TEX13B: variants seen among roughly 807,000 people sequenced by gnomAD.
The protein encoded by TEX13B is testis expressed 13B.
TEX13B carries 5 observed loss-of-function variants against 11.2 expected under a neutral mutation model. That is an observed-to-expected ratio of 0.44 (90% CI 0.23 to 0.93). TEX13B has a LOEUF of 0.93. Among genes scored for constraint, TEX13B ranks in the 40% least tolerant of loss-of-function variants. The pLI is 0.23. For missense variants in TEX13B, 213 were observed against 244.2 expected, an observed-to-expected ratio of 0.87 and a Z score of 0.85; for synonymous variants, 115 against 100.9, an observed-to-expected ratio of 1.14 and a Z score of -0.84.
Position 107,982,192 on chromosome X carries a change from C to T in TEX13B, c.-32-33G>A, listed in dbSNP as rs1933774653. On this transcript the variant is annotated intron_variant, in intron 1 of 2. Transcript: ENST00000302917. Reference sequence around the variant, plus strand: ...GATGGAGCAGCCAATAGGTTTCTTTCCTCCTCCTTAGCCCCTCCCCTCATC... The same window carrying T: ...GATGGAGCAGCCAATAGGTTTCTTTTCTCCTCCTTAGCCCCTCCCCTCATC... 1.2e-5 allele frequency: 13 copies of T among 1,052,145 alleles called. No homozygotes were observed. In the South Asian group the frequency reaches 2.5e-4, roughly 20 times the overall value. 86.7% of individuals were successfully genotyped at this position (1,052,145 alleles called of 1,213,427 possible). A position where few individuals can be genotyped will look rare whatever the true frequency, so the allele number is the denominator to read the frequency against.
At chrX:107,982,269 C>A in intron 1 of TEX13B, 41 bp downstream of exon 1, 3 of 602,476 alleles carry the variant, frequency 5.0e-6, no homozygotes, top group Middle Eastern at 5.5e-4. Flanking sequence ...GACCCTCTGA[C>A]CGGCTTGTCC....
rs1933766202 is a variant in TEX13B, at chrX:107,981,696, G to C, written c.432C>G (p.Asp144Glu). ...TSLAEVQRER[D>E]MLRWKLFHAE... is the part of the protein sequence containing the mutation. ...CATGGAAGAGCTTCCATCTCAGCAT[G>C]TCCCGCTCTCTCTGCACCTCCGCAA... The change falls in exon 2 of 3, where the codon GAC becomes GAG. Residue 144 changes from aspartate (D) to glutamate (E), a missense_variant. Transcript: ENST00000302917. 8.3e-7 allele frequency: 1 copy of C among 1,201,647 alleles called. No homozygotes were observed. Among genetic ancestry groups the C allele is most frequent in the South Asian group, 1.8e-5 (1 of 55,381 alleles).
rs759030439 is a variant in TEX13B at position 107,981,666 on chromosome X, T to G, written c.459+3A>C. 8.4e-7 allele frequency: 1 copy of G among 1,193,857 alleles called. No homozygotes were observed. The highest frequency in any genetic ancestry group is 1.7e-5 in the African/African-American group (1 of 57,325). On this transcript the variant is annotated splice_donor_region_variant and intron_variant, in intron 2 of 2. Coordinates refer to ENST00000302917, the MANE Select transcript of TEX13B (RefSeq NM_031273.2). ...TGGACAGGGACCATTCGGGGGATCT[T>G]ACGGCATGGAAGAGCTTCCATCTCA...
rs1374565909 is a variant in TEX13B, at chrX:107,981,490, A to T, written c.529T>A (p.Trp177Arg). 2.7e-5 allele frequency: 33 copies of T among 1,209,760 alleles called. No homozygotes were observed. The highest frequency in any genetic ancestry group is 2.3e-4 in the Middle Eastern group (1 of 4,374). The change falls in exon 3 of 3, where the codon TGG becomes AGG. Residue 177 changes from tryptophan to arginine, a missense_variant. By Grantham distance (101) the Trp-to-Arg change is moderately radical. Transcript: ENST00000302917. ...FPGLATAGGD[W>R]TEGAGEQEKE... ...TCCTGCTCACCTGCTCCTTCTGTCC[A>T]ATCCCCTCCGGCAGTGGCCAGGCCT...
In TEX13B at chrX:107,980,978, A is replaced by T. The variant is rs756881689; in HGVS notation, c.*102T>A. ...GTCCCAGTTCCCTGGCCTGCGATATACTGGAGGTCTTCTCTGCTGATGGAG... is the reference window on the plus strand; with the variant it reads ...GTCCCAGTTCCCTGGCCTGCGATATTCTGGAGGTCTTCTCTGCTGATGGAG... On this transcript the variant is annotated 3_prime_UTR_variant, in exon 3 of 3. Transcript: ENST00000302917. 70 of 1,117,922 alleles carry T rather than the reference A, an allele frequency of 6.3e-5. No individual in the cohort carries two copies. Among genetic ancestry groups the T allele is most frequent in the Non-Finnish European group, 8.3e-5 (68 of 815,215 alleles). 92.1% of individuals were successfully genotyped at this position (1,117,922 alleles called of 1,213,427 possible).
chrX:107,980,911 AT>A lies in TEX13B; in HGVS notation c.*168del. 3 of 721,724 alleles carry A rather than the reference AT, an allele frequency of 4.2e-6. No homozygotes were observed. Among genetic ancestry groups the A allele is most frequent in the Non-Finnish European group, 6.4e-6 (3 of 469,673 alleles). The allele number at this position is 721,724 out of a possible 1,213,427, so 59.5% of individuals were successfully genotyped here. On this transcript the variant is annotated 3_prime_UTR_variant, in exon 3 of 3. Coordinates refer to ENST00000302917, the MANE Select transcript of TEX13B (RefSeq NM_031273.2). Reference sequence around the variant, plus strand: ...AGATTCGCCTCCCACAGAGGAAGCAATTTTCCCTCCATGAAAAATTCACAGC... The same window carrying A: ...AGATTCGCCTCCCACAGAGGAAGCAATTTCCCTCCATGAAAAATTCACAGC...
Position 107,981,831 on chromosome X carries a change from C to T in TEX13B, c.297G>A (p.Leu99=). The part of the protein sequence containing the change: ...RVQWLQGFAK[L]HRSAALVLAS... ...CCAAGACCAGCGCAGCTGATCTGTG[C>T]AGTTTGGCAAAGCCTTGCAGCCACT... The change falls in exon 2 of 3, where the codon CTG becomes CTA. Residue 99 remains leucine (L), a synonymous_variant. Coordinates refer to ENST00000302917, the MANE Select transcript of TEX13B (RefSeq NM_031273.2). The T allele has an allele frequency of 1.2e-5, 14 of 1,210,619 alleles. No individual in the cohort carries two copies. Among genetic ancestry groups the T allele is most frequent in the Non-Finnish European group, 1.6e-5 (14 of 894,534 alleles).
At position 107,981,264 on chromosome X, in the gene TEX13B, C is replaced by G; in HGVS notation, c.755G>C (p.Cys252Ser). 1 of 1,211,867 alleles carries G rather than the reference C, an allele frequency of 8.3e-7. No homozygotes were observed. The highest frequency in any genetic ancestry group is 1.8e-5 in the South Asian group (1 of 56,973). The change falls in exon 3 of 3, where the codon TGT (cysteine) becomes TCT (serine). Residue 252 changes from cysteine to serine, a missense_variant. By Grantham distance (112) the Cys-to-Ser change is moderately radical. Coordinates refer to ENST00000302917, the MANE Select transcript of TEX13B (RefSeq NM_031273.2). The stretch of plus-strand genomic sequence containing the variant: ...ACTGTGGACCCAAGCCCAGAGAAGA[C>G]AGACATGGCTGTTTGTACTGACCTG... ...RSQVSTNSHV[C>S]LLWAWVHSLT...
chrX:107,982,006 A>G lies in TEX13B; in HGVS notation c.122T>C (p.Leu41Ser). 1 of 1,211,638 alleles carries G rather than the reference A, an allele frequency of 8.3e-7. No individual in the cohort carries two copies. ...CTTGTCTTCCACCTCCTCCCAGGATAAGGATATATTCTCGAAGTAGAACTC... is the reference window on the plus strand; with the variant it reads ...CTTGTCTTCCACCTCCTCCCAGGATGAGGATATATTCTCGAAGTAGAACTC... Reference protein sequence around the residue: ...GPEFYFENISLSWEEVEDKLR... With the variant: ...GPEFYFENISSSWEEVEDKLR... The change falls in exon 2 of 3, where the codon TTA becomes TCA. Residue 41 changes from leucine to serine, a missense_variant. Leu to Ser is a moderately radical substitution (Grantham distance 145). Coordinates refer to ENST00000302917, the MANE Select transcript of TEX13B (RefSeq NM_031273.2).
chrX:107,981,672 A>G lies in TEX13B; in HGVS notation c.456T>C (p.His152=). The G allele has an allele frequency of 1.7e-6, 2 of 1,195,554 alleles. No individual in the cohort carries two copies. The highest frequency in any genetic ancestry group is 2.3e-6 in the Non-Finnish European group (2 of 885,468). ...GGGACCATTCGGGGGATCTTACGGC[A>G]TGGAAGAGCTTCCATCTCAGCATGT... ...ERDMLRWKLF[H]AELAPPQGQG... The change falls in exon 2 of 3, where the codon CAT becomes CAC. Residue 152 remains histidine (H), a synonymous_variant. Coordinates refer to ENST00000302917, the MANE Select transcript of TEX13B (RefSeq NM_031273.2).
At chrX:107,982,264 T>C in intron 1 of TEX13B, 46 bp downstream of exon 1, 1 of 620,758 alleles carries the variant, frequency 1.6e-6, no homozygotes, top group Non-Finnish European at 2.4e-6. Context: ...CTAATGACCC[T>C]CTGACCGGCT....
Position 107,981,486 on chromosome X carries a change from G to A in TEX13B, c.533C>T (p.Thr178Ile), listed in dbSNP as rs45492000. The change falls in exon 3 of 3, where the codon ACA becomes ATA. Residue 178 changes from threonine to isoleucine, a missense_variant. Coordinates refer to ENST00000302917, the MANE Select transcript of TEX13B (RefSeq NM_031273.2). ...CTTTTCCTGCTCACCTGCTCCTTCT[G>A]TCCAATCCCCTCCGGCAGTGGCCAG... ...PGLATAGGDW[T>I]EGAGEQEKEA... 1.2e-4 allele frequency: 148 copies of A among 1,210,054 alleles called. No individual in the cohort carries two copies. Among genetic ancestry groups the A allele is most frequent in the Non-Finnish European group, 1.6e-4 (141 of 895,239 alleles).
Position 107,981,935 on chromosome X carries a change from C to T in TEX13B, c.193G>A (p.Glu65Lys). The change falls in exon 2 of 3, where the codon GAG becomes AAG. Residue 65 changes from glutamate (E) to lysine (K), a missense_variant. Coordinates refer to ENST00000302917, the MANE Select transcript of TEX13B (RefSeq NM_031273.2). ...GCCAGGCTGCCCCAGGTGCAGGCCT[C>T]TTTGACCTCGCTGGGCACCTCGCTG... ...EDSEVPSEVK[E>K]ACTWGSLALG... 8.3e-7 allele frequency: 1 copy of T among 1,211,437 alleles called. No homozygotes were observed.
chrX:107,981,779 G>A lies in TEX13B; in HGVS notation c.349C>T (p.Gln117Ter). 8.3e-7 allele frequency: 1 copy of A among 1,211,759 alleles called. No individual in the cohort carries two copies. The highest frequency in any genetic ancestry group is 1.1e-6 in the Non-Finnish European group (1 of 895,392). ...GCCTCATTGCATTCCATCTCCTGCTGTTCCTTGAGTTCCGTCAGGTTTGAG... is the reference window on the plus strand; with the variant it reads ...GCCTCATTGCATTCCATCTCCTGCTATTCCTTGAGTTCCGTCAGGTTTGAG... ...LASNLTELKE[Q>*]QEMECNEATF... is the part of the protein sequence containing the mutation. The change falls in exon 2 of 3, where the codon CAG (glutamine) becomes TAG (stop). Residue 117 changes from glutamine to a stop codon, truncating the protein, a stop_gained. Coordinates refer to ENST00000302917, the MANE Select transcript of TEX13B (RefSeq NM_031273.2). LOFTEE classifies it high-confidence loss of function.
Position 107,981,523 on chromosome X carries a change from C to G in TEX13B, c.496G>C (p.Val166Leu), listed in dbSNP as rs766755311. ...APPQGQGQATVFPGLATAGGD... is the reference protein window; with the variant it reads ...APPQGQGQATLFPGLATAGGD... ...CCGGCAGTGGCCAGGCCTGGAAACA[C>G]TGTAGCCTGGCCCTGTCCCTGGGGA... The change falls in exon 3 of 3, where the codon GTG becomes CTG. Residue 166 changes from valine (V) to leucine (L), a missense_variant. Transcript: ENST00000302917. The G allele has an allele frequency of 8.3e-7, 1 of 1,210,051 alleles. No individual in the cohort carries two copies. Among genetic ancestry groups the G allele is most frequent in the African/African-American group, 1.7e-5 (1 of 57,218 alleles).
chrX:107,980,965 T>C lies in TEX13B; in HGVS notation c.*115A>G. ...TACACCACGGGCAGTCCCAGTTCCC[T>C]GGCCTGCGATATACTGGAGGTCTTC... On this transcript the variant is annotated 3_prime_UTR_variant, in exon 3 of 3. Transcript: ENST00000302917. The C allele has an allele frequency of 9.3e-7, 1 of 1,074,299 alleles. No homozygotes were observed. Among genetic ancestry groups the C allele is most frequent in the Non-Finnish European group, 1.3e-6 (1 of 774,160 alleles). The allele number at this position is 1,074,299 out of a possible 1,213,427, so 88.5% of individuals were successfully genotyped here. A position where few individuals can be genotyped will look rare whatever the true frequency, so the allele number is the denominator to read the frequency against.
In TEX13B at chrX:107,981,369, A is replaced by T; in HGVS notation, c.650T>A (p.Leu217Gln). ...GPAPAEVLQGLGGGFRQPLGA... is the reference protein window; with the variant it reads ...GPAPAEVLQGQGGGFRQPLGA... The stretch of plus-strand genomic sequence containing the variant: ...GAGGGGCTGCCTGAAGCCTCCTCCC[A>T]GCCCCTGCAAGACCTCTGCGGGGGC... Residue 217 changes from leucine to glutamine, a missense_variant, in exon 3 of 3, where the codon CTG (leucine) becomes CAG (glutamine). By Grantham distance (113) the Leu-to-Gln change is moderately radical. Transcript: ENST00000302917. The T allele has an allele frequency of 8.3e-7, 1 of 1,211,838 alleles. No homozygotes were observed. The highest frequency in any genetic ancestry group is 1.8e-5 in the South Asian group (1 of 56,997).
In TEX13B at chrX:107,981,447, G is replaced by A. The variant is rs368952702; in HGVS notation, c.572C>T (p.Ala191Val). The change falls in exon 3 of 3, where the codon GCT (alanine) becomes GTT (valine). Residue 191 changes from alanine (A) to valine (V), a missense_variant. Ala to Val is a moderately conservative substitution (Grantham distance 64). Transcript: ENST00000302917. ...TCCTTTTCCTCCAGCAGCACCAGCA[G>A]CAGCCACCGCCTCCTTTTCCTGCTC... is the stretch of plus-strand genomic sequence containing the variant. ...AGEQEKEAVA[A>V]AGAAGGKGEE... 1.7e-5 allele frequency: 21 copies of A among 1,210,312 alleles called. No homozygotes were observed. In the African/African-American group the frequency reaches 2.4e-4, roughly 14 times the overall value.
rs369565814 is a variant in TEX13B at position 107,981,617 on chromosome X, C to T, written c.459+52G>A. ...CTGGGGACAGGGCAGGGGGTCCGGACAGGTTGGGGCAGGGCAGAGGCATTG... is the reference window on the plus strand; with the variant it reads ...CTGGGGACAGGGCAGGGGGTCCGGATAGGTTGGGGCAGGGCAGAGGCATTG... On this transcript the variant is annotated intron_variant, in intron 2 of 2. Transcript: ENST00000302917. The T allele has an allele frequency of 1.8e-4, 217 of 1,190,380 alleles. 1 individual carries two copies. The African/African-American group carries it at 2.7e-3, about 15-fold the overall frequency.
Sources: gnomAD v4.1 joint callset for allele counts on GRCh38, gnomAD v4.1.1 for gene constraint, MANE v1.5 for transcripts, NCBI Gene and HGNC (gene_info 2026-07-23, HGNC 2026-07-21) for gene names.